The following IDS variants were observed in gnomAD, a reference collection of about 807,000 sequenced individuals.
IDS encodes alpha-L-iduronate sulfate sulfatase.
Under a neutral mutation model 33.5 loss-of-function variants are expected in IDS, and 1 was observed. The ratio of observed to expected loss-of-function variants is 0.03; its 90% confidence interval spans 0.01 to 0.14. The LOEUF is 0.14. Among genes scored for constraint, IDS ranks in the 10% least tolerant of loss-of-function variants. The pLI is 1.00. For synonymous variants in IDS, 191 were observed against 184.4 expected (o/e 1.04, Z -0.29); for missense variants, 328 against 448.0 (o/e 0.73, Z 2.42).
intron 7 of IDS, among the ~76,000 whole-genome samples, chrX:149,488,934 C>G (rs185992120): frequency 2.5e-4 from 28 of 110,863 alleles, no homozygotes; most frequent in Admixed American, 2.4e-3. Flanking sequence ...GGAGAGGTGG[C>G]CAGACCACCT....
chrX:149,498,903 T>C (rs1380054305), intron 4 of IDS, among the ~76,000 whole-genome samples: 1 of 112,479 alleles, frequency 8.9e-6, no homozygotes, highest in Non-Finnish European at 1.9e-5. Flanking sequence ...AACATAGTTA[T>C]TATACCCAAA....
chrX:149,491,962 G>C (rs1021292210), intron 6 of IDS, among the ~76,000 whole-genome samples: 2 of 112,489 alleles, frequency 1.8e-5, no homozygotes, highest in African/African-American at 3.2e-5. Context: ...GAGCAGCCCC[G>C]AGAAGCTGGA....
In IDS at chrX:149,505,269, C is replaced by T. The variant is rs1191052630; in HGVS notation, c.-132G>A. The T allele has an allele frequency of 1.1e-5, 4 of 351,940 alleles. No homozygotes were observed. Among genetic ancestry groups the T allele is most frequent in the African/African-American group, 8.1e-5 (3 of 37,127 alleles). The allele number at this position is 351,940 out of a possible 1,213,427, so 29.0% of individuals were successfully genotyped here. On this transcript the variant is annotated 5_prime_UTR_variant, in exon 1 of 9. Transcript: ENST00000340855. ...GAAGACTGCGCAACACAGCCGCCGC[C>T]CGGGCCCGCAGGCCCGGGCGCTGGC...
At chrX:149,499,821 C>T (rs2089465534) in intron 4 of IDS, among the ~76,000 whole-genome samples, 1 of 111,397 alleles carries the variant, frequency 9.0e-6, no homozygotes, top group African/African-American at 3.3e-5. Flanking sequence ...GGTGACAGTC[C>T]ATGGAATTTC....
At chrX:149,494,623 C>T (rs1557339110) in intron 6 of IDS, among the ~76,000 whole-genome samples, 3 of 111,578 alleles carry the variant, frequency 2.7e-5, no homozygotes, top group Non-Finnish European at 3.8e-5. Context: ...CACATGCAGG[C>T]ATCAGGGAGG....
intron 4 of IDS, among the ~76,000 whole-genome samples, chrX:149,498,795 G>A (rs1360682690): frequency 1.8e-5 from 2 of 112,399 alleles, no homozygotes; most frequent in Non-Finnish European, 3.8e-5. Context: ...AAGTGTTGAC[G>A]AGGATGCAGA....
rs2089285419 is a variant in IDS at position 149,479,724 on chromosome X, T to A, written c.*3022A>T. The A allele has an allele frequency of 9.0e-6, 1 of 111,431 alleles. No individual in the cohort carries two copies. Among genetic ancestry groups the A allele is most frequent in the Admixed American group, 9.6e-5 (1 of 10,452 alleles). The allele number at this position is 111,431 out of a possible 1,213,427, so 9.2% of individuals were successfully genotyped here. A position where few individuals can be genotyped will look rare whatever the true frequency, so the allele number is the denominator to read the frequency against. On this transcript the variant is annotated 3_prime_UTR_variant, in exon 9 of 9. Transcript: ENST00000340855. ...ATACTTAGTAAAAAAGAACATAAAT[T>A]ACATGATAAAGAATATGACCAGAAC... is the stretch of plus-strand genomic sequence containing the variant.
chrX:149,484,020 C>T (rs1371049245), intron 8 of IDS, among the ~76,000 whole-genome samples: 1 of 112,834 alleles, frequency 8.9e-6, no homozygotes, highest in Non-Finnish European at 1.9e-5. Context: ...TATTCCATTG[C>T]ATGGACGGAC....
rs1436269653 is a variant in IDS at position 149,482,003 on chromosome X, C to G, written c.*743G>C. 8.9e-6 allele frequency: 1 copy of G among 112,375 alleles called. No individual in the cohort carries two copies. The highest frequency in any genetic ancestry group is 1.9e-5 in the Non-Finnish European group (1 of 53,264). The allele number at this position is 112,375 out of a possible 1,213,427, so 9.3% of individuals were successfully genotyped here. A position where few individuals can be genotyped will look rare whatever the true frequency, so the allele number is the denominator to read the frequency against. On this transcript the variant is annotated 3_prime_UTR_variant, in exon 9 of 9. Coordinates refer to ENST00000340855, the MANE Select transcript of IDS (RefSeq NM_000202.8). ...GTTCAAGGGTCATATTATTTGCTAACAAATTATTATTTGGGCCAGAAAGTA... is the reference window on the plus strand; with the variant it reads ...GTTCAAGGGTCATATTATTTGCTAAGAAATTATTATTTGGGCCAGAAAGTA...
rs142666068 is a variant in IDS at position 149,503,830 on chromosome X, C to T, written c.240+327G>A. Among the ~76,000 whole-genome samples the T allele has an allele frequency of 0.017, 1,883 of 111,990 alleles. 47 individuals are homozygous for T. The highest frequency in any genetic ancestry group is 0.058 in the African/African-American group (1,762 of 30,634). On this transcript the variant is annotated intron_variant, in intron 2 of 8. Transcript: ENST00000340855. The stretch of plus-strand genomic sequence containing the variant: ...TGGCTAGCTCTCACCTGAGGCCCAG[C>T]CTGCAGACCTGTGGGTGCCCTTCTG...
At chrX:149,486,835 C>T in intron 8 of IDS, 90 bp downstream of exon 8, 1 of 1,012,440 alleles carries the variant, frequency 9.9e-7, no homozygotes, top group Non-Finnish European at 1.4e-6. Context: ...GTCTGTGTAA[C>T]CCCCAAAGCC....
chrX:149,490,263 C>T (rs782563470), intron 7 of IDS, 51 bp downstream of exon 7: 46 of 1,185,337 alleles, frequency 3.9e-5, no homozygotes, highest in Non-Finnish European at 5.2e-5. Context: ...AAGCATGTTT[C>T]ACAGGAAAGT....
chrX:149,505,084 G>C lies in IDS; in HGVS notation c.54C>G (p.Ser18Arg), dbSNP rs782607292. ...RGLLWLGLVL[S>R]SVCVALGSET... ...CGGATCCGAGGGCGACGCAGACGGA[G>C]CTCAGAACCAGACCCAGCCAGAGAA... The change falls in exon 1 of 9, where the codon AGC (serine) becomes AGG (arginine). Residue 18 changes from serine to arginine, a missense_variant. By Grantham distance (110) the Ser-to-Arg change is moderately radical. Around this residue, in one of 4 missense-constraint regions of IDS, gnomAD observed 45 missense variants for 33.6 expected, o/e 1.34. Transcript: ENST00000340855. The C allele has an allele frequency of 8.3e-7, 1 of 1,206,861 alleles. No homozygotes were observed. The highest frequency in any genetic ancestry group is 1.8e-5 in the African/African-American group (1 of 57,049).
chrX:149,492,118 C>T (rs782539041), intron 6 of IDS, among the ~76,000 whole-genome samples: 1 of 112,301 alleles, frequency 8.9e-6, no homozygotes, highest in African/African-American at 3.2e-5. Flanking sequence ...GTAAACAAGC[C>T]TGTTTAAGAT....
rs1326583841 is a variant in IDS, at chrX:149,478,150, G to A, written c.*4596C>T. 4 of 112,186 alleles carry A rather than the reference G, an allele frequency of 3.6e-5. No individual in the cohort carries two copies. In the East Asian group the frequency reaches 8.4e-4, roughly 23 times the overall value. 9.2% of individuals were successfully genotyped at this position (112,186 alleles called of 1,213,427 possible). The stretch of plus-strand genomic sequence containing the variant: ...CAGGCGGCAAAAGATTGGGCAGAGA[G>A]GGAAGAGTCAGTTTCCCTCTGTAGC... On this transcript the variant is annotated 3_prime_UTR_variant, in exon 9 of 9. Transcript: ENST00000340855.
At chrX:149,495,874 C>T (rs2089432058) in intron 6 of IDS, among the ~76,000 whole-genome samples, 1 of 112,407 alleles carries the variant, frequency 8.9e-6, no homozygotes, top group African/African-American at 3.2e-5. Context: ...GTTCCCTCTG[C>T]ACCAAGGGCC....
chrX:149,491,306 A>G (rs2089389131), intron 6 of IDS, among the ~76,000 whole-genome samples: 1 of 112,514 alleles, frequency 8.9e-6, no homozygotes, highest in Admixed American at 9.3e-5. Flanking sequence ...TGAACCCAAG[A>G]GGCACTTTGG....
In IDS at chrX:149,490,852, G is replaced by T. The variant is rs947275839; in HGVS notation, c.880-412C>A. Among the ~76,000 whole-genome samples, 5 of 111,837 alleles carry T rather than the reference G, an allele frequency of 4.5e-5. 1 individual carries two copies. The highest frequency in any genetic ancestry group is 1.6e-4 in the African/African-American group (5 of 30,624). ...AGAATCTTGCCTCTCCCTAGCTGGT[G>T]GTGGTGGCTGTCAGTCCCTGGCATT... On this transcript the variant is annotated intron_variant, in intron 6 of 8. Coordinates refer to ENST00000340855, the MANE Select transcript of IDS (RefSeq NM_000202.8).
chrX:149,498,066 T>C, intron 5 of IDS, 41 bp downstream of exon 5: 1 of 1,106,668 alleles, frequency 9.0e-7, no homozygotes, highest in Non-Finnish European at 1.2e-6. Flanking sequence ...ACAACACAGC[T>C]GTCACAGCTG....
Sources: gnomAD v4.1 joint callset for allele counts (sites outside exome capture counted in the v4.1 genomes callset) on GRCh38, gnomAD v4.1.1 for gene constraint, gnomAD v4.1.1 regional missense constraint, MANE v1.5 for transcripts, NCBI Gene and HGNC (gene_info 2026-07-23, HGNC 2026-07-21) for gene names.